Variants in IL18R1 observed in about 807,000 individuals in gnomAD.
The protein encoded by IL18R1 is interleukin-18 receptor 1.
In IL18R1, 40 loss-of-function variants were observed where a neutral mutation model predicts 48.5. The observed-to-expected ratio is 0.82, with a 90% CI of 0.64 to 1.07. The LOEUF is 1.07. Ranked by LOEUF, IL18R1 falls within the 50% of genes least tolerant of loss-of-function variation. The pLI is 0.00. For missense variants in IL18R1, 596 were observed against 633.7 expected, an observed-to-expected ratio of 0.94 and a Z score of 0.64; for synonymous variants, 232 against 225.9, an observed-to-expected ratio of 1.03 and a Z score of -0.24.
At chr2:102,391,660 C>T (rs114920654) in intron 9 of IL18R1, among the ~76,000 whole-genome samples, 283 of 152,312 alleles carry the variant, frequency 1.9e-3, no homozygotes, top group African/African-American at 6.2e-3. Context: ...TTGCTAGATA[C>T]TGTCAATTCA....
intron 6 of IL18R1, among the ~76,000 whole-genome samples, chr2:102,382,836 C>T (rs948442099): frequency 2.0e-5 from 3 of 152,062 alleles, no homozygotes; most frequent in Non-Finnish European, 2.9e-5. Context: ...CTTTGTCTTT[C>T]TTATTTTTTT....
At chr2:102,365,497 G>C (rs1331949780) in intron 2 of IL18R1, among the ~76,000 whole-genome samples, 2 of 152,140 alleles carry the variant, frequency 1.3e-5, no homozygotes, top group Non-Finnish European at 2.9e-5. Flanking sequence ...TCTTTCATGG[G>C]CTGGTGTTGA....
intron 8 of IL18R1, among the ~76,000 whole-genome samples, chr2:102,389,686 T>C (rs1680448430): frequency 6.6e-6 from 1 of 152,188 alleles, no homozygotes; most frequent in Non-Finnish European, 1.5e-5. Flanking sequence ...CTCTCTCTCT[T>C]CTCTCAAAAC....
intron 8 of IL18R1, among the ~76,000 whole-genome samples, chr2:102,389,314 C>A (rs1680426162): frequency 6.6e-6 from 1 of 152,172 alleles, no homozygotes; most frequent in Non-Finnish European, 1.5e-5. Flanking sequence ...ATCATGTTAA[C>A]ACAGCCTTCA....
intron 6 of IL18R1, among the ~76,000 whole-genome samples, chr2:102,383,000 C>T (rs1259946023): frequency 6.6e-6 from 1 of 152,106 alleles, no homozygotes; most frequent in African/African-American, 2.4e-5. Context: ...TATTTTCATT[C>T]TATTCAGTTT....
At chr2:102,385,148 T>C in intron 7 of IL18R1, 150 bp downstream of exon 7, 1 of 449,280 alleles carries the variant, frequency 2.2e-6, no homozygotes, top group Non-Finnish European at 3.8e-6. Context: ...ATAATTATAG[T>C]GGCCATACCC....
At chr2:102,367,757 A>C in intron 2 of IL18R1, 68 bp from the exon 3 acceptor site, 1 of 1,449,296 alleles carries the variant, frequency 6.9e-7, no homozygotes, top group South Asian at 1.3e-5. Flanking sequence ...GCATTAGGAG[A>C]CCAAAAAAAG....
rs138796016 is a variant in IL18R1, at chr2:102,393,885, T to C, written c.1112-584T>C. ...TTATTTTGTCTGTGAGTTTTGTTAT[T>C]CTTTTTTTGTTATGCTATTTTTCTT... is the stretch of plus-strand genomic sequence containing the variant. On this transcript the variant is annotated intron_variant, in intron 9 of 10. Coordinates refer to ENST00000233957, the MANE Select transcript of IL18R1 (RefSeq NM_003855.5). Among the ~76,000 whole-genome samples, 292 of 152,336 alleles carry C rather than the reference T, an allele frequency of 1.9e-3. 2 individuals are homozygous for C. Among genetic ancestry groups the C allele is most frequent in the African/African-American group, 6.7e-3 (279 of 41,584 alleles).
intron 2 of IL18R1, among the ~76,000 whole-genome samples, chr2:102,365,268 C>T (rs1329765446): frequency 6.6e-6 from 1 of 152,184 alleles, no homozygotes; most frequent in East Asian, 1.9e-4. Context: ...TGAGTAAATA[C>T]ACCCCTTCCA....
At position 102,396,850 on chromosome 2, in the gene IL18R1, C is replaced by A; in HGVS notation, c.1590C>A (p.Asp530Glu). ...CAAAAACAGTCAAGCCAGGTAGAGA[C>A]GAACCGGAAGTCTTGCCTGTTCTTT... ...MPAKTVKPGR[D>E]EPEVLPVLSE... The change falls in exon 11 of 11, where the codon GAC (aspartate) becomes GAA (glutamate). Residue 530 changes from aspartate to glutamate, a missense_variant. This residue lies in a region of IL18R1 where 179 missense variants were observed against 206.1 expected (regional missense o/e 0.87). Coordinates refer to ENST00000233957, the MANE Select transcript of IL18R1 (RefSeq NM_003855.5). The A allele has an allele frequency of 6.2e-7, 1 of 1,603,294 alleles. No homozygotes were observed. Among genetic ancestry groups the A allele is most frequent in the Non-Finnish European group, 8.5e-7 (1 of 1,176,742 alleles).
chr2:102,379,444 CAAAAAAA>C (rs112656218), intron 5 of IL18R1, among the ~76,000 whole-genome samples: 1 of 102,942 alleles, frequency 9.7e-6, no homozygotes. Flanking sequence ...GACTCGGTCT[CAAAAAAA>C]AAAAAAAAAA....
At chr2:102,372,269 C>CA (rs1679310540) in intron 4 of IL18R1, 151 bp downstream of exon 4, 1 of 584,424 alleles carries the variant, frequency 1.7e-6, no homozygotes, top group African/African-American at 1.9e-5. Context: ...AGTATCCTCA[C>CA]TGGCTTGTTG....
intron 1 of IL18R1, among the ~76,000 whole-genome samples, chr2:102,359,278 AAAAAC>A (rs1335388683): frequency 2.0e-5 from 3 of 152,184 alleles, no homozygotes; most frequent in African/African-American, 7.2e-5. Context: ...AGTTAAATAT[AAAAAC>A]AAAACAAAAC....
intron 1 of IL18R1, 41 bp from the exon 2 acceptor site, chr2:102,362,592 T>G: frequency 7.2e-7 from 1 of 1,396,638 alleles, no homozygotes; most frequent in Non-Finnish European, 9.9e-7. Flanking sequence ...CACACTTTTG[T>G]TTGAAAGCTT....
chr2:102,356,634 A>G (rs1335240902), intron 1 of IL18R1, among the ~76,000 whole-genome samples: 1 of 152,236 alleles, frequency 6.6e-6, no homozygotes. Context: ...AACGACTGAA[A>G]TAAATGATAA....
intron 2 of IL18R1, among the ~76,000 whole-genome samples, chr2:102,364,665 A>G (rs1362378985): frequency 6.6e-6 from 1 of 152,208 alleles, no homozygotes; most frequent in Non-Finnish European, 1.5e-5. Flanking sequence ...CCATGTTTTC[A>G]AAGAATGTGT....
chr2:102,380,628 C>T (rs1398737027), intron 5 of IL18R1, among the ~76,000 whole-genome samples: 1 of 152,172 alleles, frequency 6.6e-6, no homozygotes, highest in Non-Finnish European at 1.5e-5. Flanking sequence ...CCTGTTCTTG[C>T]TCACATATCT....
At chr2:102,380,765 A>T (rs1383325558) in intron 5 of IL18R1, among the ~76,000 whole-genome samples, 1 of 152,152 alleles carries the variant, frequency 6.6e-6, no homozygotes, top group Non-Finnish European at 1.5e-5. Flanking sequence ...CTGCTTGCTG[A>T]GCACCTGCAA....
Position 102,356,207 on chromosome 2 carries a change from CT to C in IL18R1, c.-207del, listed in dbSNP as rs397872910. 3,609 of 177,512 alleles carry C rather than the reference CT, an allele frequency of 0.02. No homozygotes were observed. The highest frequency in any genetic ancestry group is 0.032 in the Non-Finnish European group (3,100 of 97,732). The allele number at this position is 177,512 out of a possible 1,614,324, so 11.0% of individuals were successfully genotyped here. A position where few individuals can be genotyped will look rare whatever the true frequency, so the allele number is the denominator to read the frequency against. On this transcript the variant is annotated 5_prime_UTR_variant, in exon 1 of 11. Transcript: ENST00000233957. ...GTTCCTACTTTTTTTCCTTCTTCTT[CT>C]TTTTTTTTTTTTTTGTAGCCCTCTC... is the stretch of plus-strand genomic sequence containing the variant.
Sources: allele counts gnomAD v4.1 joint callset (sites outside exome capture counted in the v4.1 genomes callset), GRCh38; gene constraint gnomAD v4.1.1; regional missense constraint gnomAD v4.1.1; transcripts MANE v1.5; gene names NCBI Gene and HGNC (gene_info 2026-07-23, HGNC 2026-07-21).